Variants in PCDHA6 observed in about 807,000 individuals in gnomAD.
PCDHA6 encodes protocadherin alpha 6.
In PCDHA6, 55 loss-of-function variants were observed where a neutral mutation model predicts 60.3. That is an observed-to-expected ratio of 0.91 (90% CI 0.73 to 1.14). The LOEUF (loss-of-function observed/expected upper bound fraction) is 1.14. PCDHA6 is among the 50% of genes most tolerant of loss of function. The probability of loss-of-function intolerance (pLI) is 0.00; values close to 1 mark genes in which losing one functional copy is unlikely to be tolerated. For missense variants in PCDHA6, 1,327 were observed against 1,256.5 expected, an observed-to-expected ratio of 1.06 and a Z score of -0.85; for synonymous variants, 652 against 557.9, an observed-to-expected ratio of 1.17 and a Z score of -2.38.
intron 1 of PCDHA6, chr5:140,877,371 G>T: frequency 6.2e-7 from 1 of 1,613,994 alleles, no homozygotes; most frequent in Non-Finnish European, 8.5e-7. Flanking sequence ...AGATCAGCAC[G>T]ACACGCATCC....
chr5:140,906,243 A>T (rs2072484346), intron 1 of PCDHA6, among the ~76,000 whole-genome samples: 1 of 152,190 alleles, frequency 6.6e-6, no homozygotes, highest in South Asian at 2.1e-4. Flanking sequence ...GTCAACTTGA[A>T]CCCATACACA....
chr5:140,899,468 G>C (rs1243330987), intron 1 of PCDHA6, among the ~76,000 whole-genome samples: 2 of 152,080 alleles, frequency 1.3e-5, no homozygotes, highest in African/African-American at 4.8e-5. Context: ...TTTGTCTTTG[G>C]TTCTGTTTAT....
chr5:140,896,980 C>A (rs2065827913), intron 1 of PCDHA6, among the ~76,000 whole-genome samples: 1 of 152,032 alleles, frequency 6.6e-6, no homozygotes, highest in South Asian at 2.1e-4. Context: ...ACAAACAAAC[C>A]AGTTATGCTC....
chr5:140,971,414 AT>A (rs2096477673), intron 1 of PCDHA6, among the ~76,000 whole-genome samples: 1 of 152,166 alleles, frequency 6.6e-6, no homozygotes, highest in African/African-American at 2.4e-5. Flanking sequence ...ACTTTTGGAA[AT>A]CCAGTGAAGA....
chr5:141,010,193 T>C lies in PCDHA6; in HGVS notation c.*256T>C, dbSNP rs782116962. Reference sequence around the variant, plus strand: ...CCTAAAAAGCAGACCCAAGTTTCCTTTCTCCTCCGCCGCAAAGGAGAGGCT... The same window carrying C: ...CCTAAAAAGCAGACCCAAGTTTCCTCTCTCCTCCGCCGCAAAGGAGAGGCT... On this transcript the variant is annotated 3_prime_UTR_variant, in exon 4 of 4. Transcript: ENST00000529310. 7.7e-6 allele frequency: 12 copies of C among 1,552,398 alleles called. No individual in the cohort carries two copies. The South Asian group carries it at 1.3e-4, about 17-fold the overall frequency.
At position 140,853,772 on chromosome 5, in the gene PCDHA6, T is replaced by C. The variant is rs1315934965; in HGVS notation, c.2394+23287T>C. 8 of 988,006 alleles carry C rather than the reference T, an allele frequency of 8.1e-6. No homozygotes were observed. The African/African-American group carries it at 1.4e-4, about 17-fold the overall frequency. 61.2% of individuals were successfully genotyped at this position (988,006 alleles called of 1,614,324 possible). On this transcript the variant is annotated intron_variant, in intron 1 of 3. Coordinates refer to ENST00000529310, the MANE Select transcript of PCDHA6 (RefSeq NM_018909.4). Reference sequence around the variant, plus strand: ...AGGCTCCACCTCAGAAATTCTGAAATGGGTAGTAAGAGCAAATTTTCATTT... The same window carrying C: ...AGGCTCCACCTCAGAAATTCTGAAACGGGTAGTAAGAGCAAATTTTCATTT...
At chr5:140,924,894 CAAAAA>C (rs782133089) in intron 1 of PCDHA6, among the ~76,000 whole-genome samples, 149 of 71,508 alleles carry the variant, frequency 2.1e-3, no homozygotes, top group African/African-American at 5.7e-3. Context: ...GAACCTGTCT[CAAAAA>C]AAAAAATAAA....
At chr5:140,887,100 T>TC (rs1231390589) in intron 1 of PCDHA6, among the ~76,000 whole-genome samples, 2 of 151,232 alleles carry the variant, frequency 1.3e-5, no homozygotes, top group Non-Finnish European at 2.9e-5. Flanking sequence ...TATCTTTATC[T>TC]CTTTTTTTTT....
rs1581309045 is a variant in PCDHA6, at chr5:140,853,255, T to G, written c.2394+22770T>G. On this transcript the variant is annotated intron_variant, in intron 1 of 3. Transcript: ENST00000529310. Reference sequence around the variant, plus strand: ...GTCCTTCATATTAATCTCTATTCTCTCTCAGAGTACAAGCTCTCATCATAT... The same window carrying G: ...GTCCTTCATATTAATCTCTATTCTCGCTCAGAGTACAAGCTCTCATCATAT... 7 of 974,424 alleles carry G rather than the reference T, an allele frequency of 7.2e-6. 1 individual carries two copies. Among genetic ancestry groups the G allele is most frequent in the Non-Finnish European group, 8.7e-6 (7 of 807,532 alleles). The allele number at this position is 974,424 out of a possible 1,614,324, so 60.4% of individuals were successfully genotyped here. A position where few individuals can be genotyped will look rare whatever the true frequency, so the allele number is the denominator to read the frequency against.
chr5:140,993,523 CAG>C (rs111789518), intron 3 of PCDHA6, among the ~76,000 whole-genome samples: 1,510 of 145,458 alleles, frequency 0.01, 24 homozygotes, highest in African/African-American at 0.035. Flanking sequence ...GAGAGAGAGA[CAG>C]AGAGAGAGAG....
intron 3 of PCDHA6, among the ~76,000 whole-genome samples, chr5:140,985,544 G>T (rs1426303468): frequency 6.6e-6 from 1 of 152,108 alleles, no homozygotes; most frequent in Non-Finnish European, 1.5e-5. Flanking sequence ...TGAAGATGCA[G>T]TTGCTTCCAA....
In PCDHA6 at chr5:140,847,161, T is replaced by C. The variant is rs962983160; in HGVS notation, c.2394+16676T>C. The stretch of plus-strand genomic sequence containing the variant: ...GTAAGAAGATCTCTTGATTTCTGAG[T>C]AATAAACTAAAGGGCCATGAGTGAT... On this transcript the variant is annotated intron_variant, in intron 1 of 3. Transcript: ENST00000529310. Among the ~76,000 whole-genome samples, 8 of 149,570 alleles carry C rather than the reference T, an allele frequency of 5.3e-5. 1 individual carries two copies. The highest frequency in any genetic ancestry group is 7.5e-5 in the Non-Finnish European group (5 of 66,894).
chr5:140,958,116 T>G (rs2095410051), intron 1 of PCDHA6, among the ~76,000 whole-genome samples: 1 of 152,060 alleles, frequency 6.6e-6, no homozygotes, highest in African/African-American at 2.4e-5. Context: ...TGGTTCCATT[T>G]TGTAAAATGT....
intron 1 of PCDHA6, among the ~76,000 whole-genome samples, chr5:140,886,739 T>C (rs1411142692): frequency 6.6e-6 from 1 of 151,488 alleles, no homozygotes; most frequent in Non-Finnish European, 1.5e-5. Context: ...AGCAAGAGAA[T>C]TGCTTGAACC....
chr5:140,995,812 G>A (rs2097699173), intron 3 of PCDHA6, among the ~76,000 whole-genome samples: 1 of 152,202 alleles, frequency 6.6e-6, no homozygotes, highest in Non-Finnish European at 1.5e-5. Flanking sequence ...TTTCTGAAGG[G>A]AGATAGCCTG....
chr5:140,856,435 G>T, intron 1 of PCDHA6: 3 of 1,598,320 alleles, frequency 1.9e-6, no homozygotes, highest in Non-Finnish European at 2.6e-6. Flanking sequence ...ACGACAACCC[G>T]CCCAGGTTCT....
chr5:140,863,288 A>G, intron 1 of PCDHA6: 1 of 1,462,142 alleles, frequency 6.8e-7, no homozygotes, highest in South Asian at 1.1e-5. Context: ...GTCAACGTGT[A>G]CCTGATCATC....
At chr5:140,965,521 G>A (rs1554227745) in intron 1 of PCDHA6, among the ~76,000 whole-genome samples, 2 of 150,836 alleles carry the variant, frequency 1.3e-5, no homozygotes, top group East Asian at 3.9e-4. Flanking sequence ...TAACTGCAAA[G>A]CATTAATGGA....
chr5:140,851,102 G>C, intron 1 of PCDHA6: 1 of 1,288,626 alleles, frequency 7.8e-7, no homozygotes, highest in African/African-American at 1.5e-5. Context: ...ATATTTTTTG[G>C]GTGCTGAATC....
Sources: allele counts gnomAD v4.1 joint callset (sites outside exome capture counted in the v4.1 genomes callset), GRCh38; gene constraint gnomAD v4.1.1; transcripts MANE v1.5; gene names NCBI Gene and HGNC (gene_info 2026-07-23, HGNC 2026-07-21).